Variants in AHDC1 observed in about 807,000 individuals in gnomAD.
The protein encoded by AHDC1 is transcription factor Gibbin.
In AHDC1, 7 loss-of-function variants were observed where a neutral mutation model predicts 87.9. That is an observed-to-expected ratio of 0.08 (90% CI 0.05 to 0.15). The LOEUF (loss-of-function observed/expected upper bound fraction) is 0.15, where lower values mean the gene tolerates loss of function less well. Among genes scored for constraint, AHDC1 ranks in the 10% least tolerant of loss-of-function variants. AHDC1 has a pLI of 1.00. For missense variants in AHDC1, 1,841 were observed against 2,253.2 expected, an observed-to-expected ratio of 0.82 and a Z score of 3.70; for synonymous variants, 1,051 against 1,006.8, an observed-to-expected ratio of 1.04 and a Z score of -0.83.
In AHDC1 at chr1:27,551,920, G is replaced by A. The variant is rs1489833467; in HGVS notation, c.196C>T (p.Arg66Cys). The A allele has an allele frequency of 6.3e-7, 1 of 1,580,836 alleles. No individual in the cohort carries two copies. Among genetic ancestry groups the A allele is most frequent in the Non-Finnish European group, 8.6e-7 (1 of 1,162,320 alleles). ...GGGCGCCGGGTGCTGGGGTCCCGGCGTGGGGGTGGGCGTGGGTTCTCGGAG... is the reference window on the plus strand; with the variant it reads ...GGGCGCCGGGTGCTGGGGTCCCGGCATGGGGGTGGGCGTGGGTTCTCGGAG... ...AFSENPRPPPRRDPSTRRPPV... is the reference protein window; with the variant it reads ...AFSENPRPPPCRDPSTRRPPV... Residue 66 changes from arginine (R) to cysteine (C), a missense_variant, in exon 8 of 9, where the codon CGC (arginine) becomes TGC (cysteine). Around this residue, in one of 13 missense-constraint regions of AHDC1, gnomAD observed 142 missense variants for 165.6 expected, o/e 0.86. Transcript: ENST00000673934.
chr1:27,575,438 G>A (rs2088692950), intron 3 of AHDC1, among the ~76,000 whole-genome samples: 2 of 152,140 alleles, frequency 1.3e-5, no homozygotes, highest in Admixed American at 1.3e-4. Flanking sequence ...CTCCACTCCC[G>A]CAGTCTGGGG....
intron 3 of AHDC1, among the ~76,000 whole-genome samples, chr1:27,581,628 C>T (rs2088911437): frequency 6.6e-6 from 1 of 152,210 alleles, no homozygotes; most frequent in African/African-American, 2.4e-5. Context: ...TTGGCCATGA[C>T]AGCTTCCTGG....
intron 5 of AHDC1, among the ~76,000 whole-genome samples, chr1:27,557,886 C>T (rs72884702): frequency 0.13 from 20,114 of 152,208 alleles, 2,162 homozygotes; most frequent in African/African-American, 0.29. Context: ...CCCATGTGCA[C>T]GGAAGGACAG....
At chr1:27,585,782 C>G (rs55792511) in intron 3 of AHDC1, among the ~76,000 whole-genome samples, 5,360 of 152,216 alleles carry the variant, frequency 0.035, 142 homozygotes, top group Non-Finnish European at 0.056. Flanking sequence ...CACTTCCCCT[C>G]CCCTTCCTCC....
At position 27,593,657 on chromosome 1, in the gene AHDC1, G is replaced by A. The variant is rs987376418; in HGVS notation, c.-629+9740C>T. 6.6e-5 allele frequency among the ~76,000 whole-genome samples: 10 copies of A among 152,340 alleles called. No individual in the cohort carries two copies. The highest frequency in any genetic ancestry group is 2.0e-4 in the Admixed American group (3 of 15,308). The stretch of plus-strand genomic sequence containing the variant: ...GTGGGTCTTGGCATGCCTGCCCATG[G>A]GCTTTGCTGCCAGAACCTGGCTGCC... On this transcript the variant is annotated intron_variant, in intron 3 of 8. Coordinates refer to ENST00000673934, the MANE Select transcript of AHDC1 (RefSeq NM_001371928.1). The surrounding 1 kb of genome is among the most constrained non-coding windows in gnomAD (Gnocchi z 4.9).
At chr1:27,594,621 GA>G (rs1250106312) in intron 3 of AHDC1, among the ~76,000 whole-genome samples, 10 of 152,200 alleles carry the variant, frequency 6.6e-5, no homozygotes, top group Admixed American at 6.5e-5. Flanking sequence ...CTGGGGCGGT[GA>G]AGGGGTGGAG....
intron 3 of AHDC1, among the ~76,000 whole-genome samples, chr1:27,566,317 G>C (rs1473063592): frequency 6.6e-6 from 1 of 151,368 alleles, no homozygotes; most frequent in Admixed American, 6.6e-5. Flanking sequence ...AGCCAGAGAG[G>C]GAGAGAGAGG....
intron 8 of AHDC1, among the ~76,000 whole-genome samples, chr1:27,539,130 T>C (rs1185062664): frequency 6.6e-6 from 1 of 150,752 alleles, no homozygotes; most frequent in African/African-American, 2.5e-5. Flanking sequence ...AGAAGCTTTT[T>C]TTCTTTTCTT....
At chr1:27,543,139 G>A (rs1398090836) in intron 8 of AHDC1, among the ~76,000 whole-genome samples, 3 of 152,250 alleles carry the variant, frequency 2.0e-5, no homozygotes, top group South Asian at 2.1e-4. Flanking sequence ...CCCTAGCCGC[G>A]TAACCTTGGA....
chr1:27,564,404 CTGCTTCCT>C (rs1252383753), intron 3 of AHDC1, among the ~76,000 whole-genome samples: 6 of 152,386 alleles, frequency 3.9e-5, no homozygotes, highest in African/African-American at 1.4e-4. Flanking sequence ...CCCTGCTCCC[CTGCTTCCT>C]CACAAGGAAC....
chr1:27,574,211 C>T (rs552199558), intron 3 of AHDC1, among the ~76,000 whole-genome samples: 2 of 152,332 alleles, frequency 1.3e-5, no homozygotes, highest in African/African-American at 2.4e-5. Flanking sequence ...CAGCCCCCGC[C>T]CCACCCCCAG....
intron 8 of AHDC1, among the ~76,000 whole-genome samples, chr1:27,542,201 A>G (rs1254226293): frequency 1.3e-5 from 2 of 152,246 alleles, no homozygotes; most frequent in African/African-American, 2.4e-5. Context: ...AATATTTTTC[A>G]TATTTGCAGT....
chr1:27,574,346 T>G (rs1366629798), intron 3 of AHDC1, among the ~76,000 whole-genome samples: 1 of 152,100 alleles, frequency 6.6e-6, no homozygotes, highest in African/African-American at 2.4e-5. Context: ...TTCCTCAGGA[T>G]GGGGCTGGAT....
chr1:27,578,066 T>G (rs920381036), intron 3 of AHDC1, among the ~76,000 whole-genome samples: 2 of 152,222 alleles, frequency 1.3e-5, no homozygotes, highest in African/African-American at 4.8e-5. Context: ...ATAACTCCTC[T>G]GGACCCTGGT....
At chr1:27,581,880 T>C (rs984359351) in intron 3 of AHDC1, among the ~76,000 whole-genome samples, 2 of 152,176 alleles carry the variant, frequency 1.3e-5, no homozygotes, top group Non-Finnish European at 2.9e-5. Context: ...GGCTGACTTC[T>C]TCCTCTCCTC....
chr1:27,541,629 T>G (rs919397208), intron 8 of AHDC1, among the ~76,000 whole-genome samples: 26 of 122,338 alleles, frequency 2.1e-4, no homozygotes, highest in East Asian at 2.2e-4. Context: ...CATGTGGAGG[T>G]TTTTTTTTTT....
chr1:27,602,629 C>T (rs977612007), intron 3 of AHDC1, among the ~76,000 whole-genome samples: 1 of 152,214 alleles, frequency 6.6e-6, no homozygotes, highest in African/African-American at 2.4e-5. Context: ...AGGGGGCTGA[C>T]AGCTGTCACT....
At chr1:27,566,958 C>T (rs1200224829) in intron 3 of AHDC1, among the ~76,000 whole-genome samples, 3 of 151,888 alleles carry the variant, frequency 2.0e-5, no homozygotes, top group African/African-American at 7.3e-5. Context: ...GAAGAAGCCT[C>T]GCCCCTGCCC....
chr1:27,564,880 T>C (rs2020251680), intron 3 of AHDC1, among the ~76,000 whole-genome samples: 1 of 151,916 alleles, frequency 6.6e-6, no homozygotes, highest in Non-Finnish European at 1.5e-5. Context: ...CTAGAGGACC[T>C]GAGATGTCAG....
Sources: gnomAD v4.1 joint callset for allele counts (sites outside exome capture counted in the v4.1 genomes callset) on GRCh38, gnomAD v4.1.1 for gene constraint, gnomAD v4.1.1 regional missense constraint, Gnocchi (gnomAD v3.1) non-coding constraint, MANE v1.5 for transcripts, NCBI Gene and HGNC (gene_info 2026-07-23, HGNC 2026-07-21) for gene names.